The following CFAP95 variants were observed in gnomAD, a reference collection of about 807,000 sequenced individuals.
CFAP95 encodes the protein cilia and flagella associated protein 95, also known as cilia- and flagella-associated protein 95.
the CFAP95 span, among the ~76,000 whole-genome samples, chr9:69,881,123 G>A: frequency 1.5e-4 from 23 of 151,992 alleles, no homozygotes; most frequent in Non-Finnish European, 2.5e-4. Context: ...TTATCCCTTC[G>A]CTTTGTTGAT....
the CFAP95 span, among the ~76,000 whole-genome samples, chr9:69,837,642 G>T: frequency 6.6e-6 from 1 of 152,204 alleles, no homozygotes; most frequent in African/African-American, 2.4e-5. Context: ...CCCTTTGTCA[G>T]ATGAGTAGGT....
At chr9:69,886,903 C>T in the CFAP95 span, 6 of 1,607,520 alleles carry the variant, frequency 3.7e-6, no homozygotes, top group East Asian at 4.5e-5. Context: ...CATGTGAGTA[C>T]AAGAACCGTA....
the CFAP95 span, among the ~76,000 whole-genome samples, chr9:69,869,698 T>A: frequency 1.3e-5 from 2 of 152,192 alleles, no homozygotes; most frequent in Non-Finnish European, 2.9e-5. Context: ...TATCAAAACA[T>A]TATGTCATGC....
At chr9:69,845,358 T>C in the CFAP95 span, among the ~76,000 whole-genome samples, 18 of 152,144 alleles carry the variant, frequency 1.2e-4, no homozygotes, top group African/African-American at 2.4e-5. Flanking sequence ...AATTTAGCCT[T>C]AGAGGATGGC....
At chr9:69,839,946 G>A in the CFAP95 span, among the ~76,000 whole-genome samples, 2 of 151,314 alleles carry the variant, frequency 1.3e-5, no homozygotes, top group African/African-American at 2.4e-5. Flanking sequence ...GCACGGTGGC[G>A]TGTGCCTGTA....
chr9:69,837,781 G>A, the CFAP95 span, among the ~76,000 whole-genome samples: 6 of 152,172 alleles, frequency 3.9e-5, no homozygotes, highest in Admixed American at 6.5e-5. Context: ...ATTGCTTTTG[G>A]TGTTTTAGAC....
the CFAP95 span, among the ~76,000 whole-genome samples, chr9:69,823,581 C>T: frequency 2.6e-5 from 4 of 152,176 alleles, no homozygotes; most frequent in Admixed American, 6.5e-5. Context: ...CACCCTTTAA[C>T]ACATGGCCTG....
chr9:69,874,205 G>A, the CFAP95 span, among the ~76,000 whole-genome samples: 621 of 152,050 alleles, frequency 4.1e-3, 4 homozygotes, highest in African/African-American at 0.014. Context: ...AGATCAACTC[G>A]TGCTCATTAA....
At chr9:69,904,930 T>C in the CFAP95 span, among the ~76,000 whole-genome samples, 1 of 152,224 alleles carries the variant, frequency 6.6e-6, no homozygotes, top group Non-Finnish European at 1.5e-5. Context: ...AGTTTTATAG[T>C]CAGATAGATC....
At chr9:69,821,862 G>T in the CFAP95 span, among the ~76,000 whole-genome samples, 2 of 152,012 alleles carry the variant, frequency 1.3e-5, no homozygotes, top group Non-Finnish European at 1.5e-5. Context: ...ATTTCTCTGG[G>T]GAACTATGAA....
chr9:69,885,783 G>T, the CFAP95 span, among the ~76,000 whole-genome samples: 1 of 152,114 alleles, frequency 6.6e-6, no homozygotes, highest in South Asian at 2.1e-4. Flanking sequence ...CATAGAGGCA[G>T]GAAGTTGGTG....
At chr9:69,839,672 C>T in the CFAP95 span, among the ~76,000 whole-genome samples, 1 of 151,186 alleles carries the variant, frequency 6.6e-6, no homozygotes, top group Admixed American at 6.6e-5. Flanking sequence ...AGTGATCCGC[C>T]TGCCTCAGCC....
chr9:69,849,497 G>A, the CFAP95 span, among the ~76,000 whole-genome samples: 1 of 152,140 alleles, frequency 6.6e-6, no homozygotes, highest in South Asian at 2.1e-4. Flanking sequence ...TCAAAAATTG[G>A]TGCCTGTATA....
chr9:69,857,906 T>A, the CFAP95 span: 1 of 1,613,410 alleles, frequency 6.2e-7, no homozygotes, highest in East Asian at 2.2e-5. Flanking sequence ...TATCTTGTTT[T>A]AGGGTCACCG....
chr9:69,855,470 A>G, the CFAP95 span, among the ~76,000 whole-genome samples: 8 of 152,220 alleles, frequency 5.3e-5, no homozygotes, highest in Admixed American at 4.6e-4. Context: ...GTTAAAATAA[A>G]TAAGACCCAA....
the CFAP95 span, among the ~76,000 whole-genome samples, chr9:69,903,906 T>C: frequency 2.6e-5 from 4 of 152,148 alleles, no homozygotes; most frequent in Admixed American, 1.3e-4. Context: ...TTTTATTTTA[T>C]AGAGACGTGG....
At chr9:69,823,213 G>A in the CFAP95 span, among the ~76,000 whole-genome samples, 18 of 152,022 alleles carry the variant, frequency 1.2e-4, no homozygotes, top group Non-Finnish European at 2.5e-4. Flanking sequence ...ACTTCGAAAC[G>A]CTGATAAAAC....
chr9:69,871,365 C>T, the CFAP95 span, among the ~76,000 whole-genome samples: 101 of 152,200 alleles, frequency 6.6e-4, no homozygotes, highest in African/African-American at 2.3e-3. Flanking sequence ...GCCTGAAAGC[C>T]ATGCTGAGTT....
the CFAP95 span, among the ~76,000 whole-genome samples, chr9:69,885,314 G>A: frequency 6.6e-6 from 1 of 152,106 alleles, no homozygotes; most frequent in Non-Finnish European, 1.5e-5. Flanking sequence ...TGGAGGTGGG[G>A]TTTTAATTTA....
Sources: allele counts gnomAD v4.1 joint callset (sites outside exome capture counted in the v4.1 genomes callset), GRCh38; gene constraint gnomAD v4.1.1; transcripts MANE v1.5; gene names NCBI Gene and HGNC (gene_info 2026-07-23, HGNC 2026-07-21).